TGM6: variants seen among roughly 807,000 people sequenced by gnomAD.
The protein encoded by TGM6 is transglutaminase 6.
Under a neutral mutation model 77.5 loss-of-function variants are expected in TGM6, and 74 were observed. The observed-to-expected ratio is 0.96, with a 90% CI of 0.79 to 1.16. TGM6 has a LOEUF of 1.16. TGM6 is among the 50% of genes most tolerant of loss of function. TGM6 has a pLI of 0.00. For missense variants in TGM6, 968 were observed against 940.2 expected, an observed-to-expected ratio of 1.03 and a Z score of -0.39; for synonymous variants, 383 against 378.9, an observed-to-expected ratio of 1.01 and a Z score of -0.12.
At chr20:2,406,166 G>A (rs2084748975) in intron 9 of TGM6, among the ~76,000 whole-genome samples, 1 of 152,072 alleles carries the variant, frequency 6.6e-6, no homozygotes, top group Non-Finnish European at 1.5e-5. Flanking sequence ...TACTGTCTTG[G>A]GGATGGGCTA....
At chr20:2,388,017 G>A (rs1197675437) in intron 1 of TGM6, among the ~76,000 whole-genome samples, 1 of 152,184 alleles carries the variant, frequency 6.6e-6, no homozygotes, top group Non-Finnish European at 1.5e-5. Context: ...AGCAACCCAA[G>A]GGAACCAGAA....
At chr20:2,400,219 C>T in intron 6 of TGM6, 87 bp from the exon 7 acceptor site, 1 of 1,596,450 alleles carries the variant, frequency 6.3e-7, no homozygotes, top group Middle Eastern at 1.7e-4. Context: ...GCTTTGGCCA[C>T]AAATGAGCCA....
chr20:2,391,458 T>G (rs1599945592), intron 1 of TGM6, among the ~76,000 whole-genome samples: 1 of 148,944 alleles, frequency 6.7e-6, no homozygotes, highest in African/African-American at 2.5e-5. Flanking sequence ...GTTGTGGAGG[T>G]AGAGTCTGAT....
At chr20:2,395,779 C>T (rs185297874) in intron 3 of TGM6, among the ~76,000 whole-genome samples, 2 of 152,328 alleles carry the variant, frequency 1.3e-5, no homozygotes, top group Middle Eastern at 3.4e-3. Context: ...ATAACAGTGC[C>T]TACCTCTTAT....
intron 9 of TGM6, among the ~76,000 whole-genome samples, chr20:2,406,774 G>A (rs1301254259): frequency 1.4e-5 from 2 of 139,846 alleles, no homozygotes; most frequent in Non-Finnish European, 3.1e-5. Flanking sequence ...GGCGGAGGTT[G>A]CAGTGAGCCA....
intron 1 of TGM6, among the ~76,000 whole-genome samples, chr20:2,383,129 T>C (rs2122319124): frequency 6.6e-6 from 1 of 152,310 alleles, no homozygotes; most frequent in Middle Eastern, 3.4e-3. Flanking sequence ...CAACTCTCGA[T>C]AAATCATTTA....
chr20:2,388,028 A>G (rs1009021841), intron 1 of TGM6, among the ~76,000 whole-genome samples: 3 of 152,182 alleles, frequency 2.0e-5, no homozygotes, highest in Admixed American at 2.0e-4. Flanking sequence ...GGAACCAGAA[A>G]GAAGCTGTAT....
chr20:2,417,578 G>T lies in TGM6; in HGVS notation c.1678+5G>T, dbSNP rs1401270778. 6.3e-7 allele frequency: 1 copy of T among 1,596,724 alleles called. No homozygotes were observed. Among genetic ancestry groups the T allele is most frequent in the South Asian group, 1.1e-5 (1 of 90,236 alleles). On this transcript the variant is annotated splice_donor_5th_base_variant and intron_variant, in intron 10 of 12. Coordinates refer to ENST00000202625, the MANE Select transcript of TGM6 (RefSeq NM_198994.3). ...TGAGGCTGGGGCCGCAAGAAGGTAA[G>T]TGTACGCTGGCTTGGTGGAATCAGG...
rs1288465164 is a variant in TGM6, at chr20:2,399,621, G to C, written c.733G>C (p.Gly245Arg). Reference protein sequence around the residue: ...QGQWQGKYGGGTSPLHWRGSV... With the variant: ...QGQWQGKYGGRTSPLHWRGSV... The stretch of plus-strand genomic sequence containing the variant: ...ACAGTGGCAGGGCAAGTACGGCGGC[G>C]GCACCAGCCCGCTGCACTGGCGCGG... Residue 245 changes from glycine (G) to arginine (R), a missense_variant, in exon 6 of 13, where the codon GGC becomes CGC. Physicochemically the swap from Gly to Arg is moderately radical, Grantham distance 125. Transcript: ENST00000202625. 1 of 1,613,472 alleles carries C rather than the reference G, an allele frequency of 6.2e-7. No homozygotes were observed. Among genetic ancestry groups the C allele is most frequent in the Non-Finnish European group, 8.5e-7 (1 of 1,179,962 alleles).
intron 1 of TGM6, among the ~76,000 whole-genome samples, chr20:2,388,673 T>G (rs911820796): frequency 6.6e-6 from 1 of 151,868 alleles, no homozygotes; most frequent in East Asian, 1.9e-4. Context: ...TTTTATCATC[T>G]GTGACATTGA....
chr20:2,405,695 G>A (rs1349432739), intron 9 of TGM6, among the ~76,000 whole-genome samples: 6 of 152,124 alleles, frequency 3.9e-5, no homozygotes, highest in Admixed American at 3.9e-4. Context: ...TGTGCTATTT[G>A]GGTCCTTTCA....
intron 1 of TGM6, among the ~76,000 whole-genome samples, chr20:2,391,837 T>G (rs1440293054): frequency 6.6e-6 from 1 of 152,186 alleles, no homozygotes; most frequent in Non-Finnish European, 1.5e-5. Flanking sequence ...GCATTGGTGG[T>G]CTGCCGACTA....
Position 2,396,571 on chromosome 20 carries a change from A to G in TGM6, c.490A>G (p.Ile164Val). 3 of 1,614,238 alleles carry G rather than the reference A, an allele frequency of 1.9e-6. No homozygotes were observed. Among genetic ancestry groups the G allele is most frequent in the South Asian group, 1.1e-5 (1 of 91,086 alleles). The change falls in exon 4 of 13, where the codon ATC becomes GTC. Residue 164 changes from isoleucine to valine, a missense_variant. Transcript: ENST00000202625. ...QEYVLSDSGI[I>V]FRGVEKHIRA... is the part of the protein sequence containing the mutation. ...GTACGTGCTCAGCGACAGCGGCATCATCTTCCGAGGCGTGGAGAAGCACAT... is the reference window on the plus strand; with the variant it reads ...GTACGTGCTCAGCGACAGCGGCATCGTCTTCCGAGGCGTGGAGAAGCACAT...
At chr20:2,399,766 T>C (rs2084693871) in intron 6 of TGM6, 28 bp downstream of exon 6, 1 of 1,593,696 alleles carries the variant, frequency 6.3e-7, no homozygotes, top group Non-Finnish European at 8.6e-7. Flanking sequence ...GGCCCCAGGG[T>C]ACCTGTGCCC....
intron 9 of TGM6, among the ~76,000 whole-genome samples, chr20:2,413,798 G>T (rs1335781666): frequency 1.3e-5 from 2 of 152,100 alleles, no homozygotes; most frequent in Admixed American, 6.5e-5. Context: ...TAAAACTTTT[G>T]GAAGAAAACA....
intron 10 of TGM6, among the ~76,000 whole-genome samples, chr20:2,427,183 T>C (rs2084893643): frequency 6.6e-6 from 1 of 152,190 alleles, no homozygotes; most frequent in Admixed American, 6.5e-5. Flanking sequence ...TTAGTAGATA[T>C]AGGCCTATTC....
At chr20:2,398,755 G>A (rs1307364415) in intron 5 of TGM6, among the ~76,000 whole-genome samples, 1 of 151,992 alleles carries the variant, frequency 6.6e-6, no homozygotes, top group East Asian at 1.9e-4. Flanking sequence ...CCTCTCCGTG[G>A]GAGGCATGAC....
At chr20:2,381,717 G>C (rs1304291460) in intron 1 of TGM6, among the ~76,000 whole-genome samples, 1 of 152,172 alleles carries the variant, frequency 6.6e-6, no homozygotes, top group Admixed American at 6.5e-5. Flanking sequence ...AGGAGTTTGA[G>C]ACCAGCCTGG....
chr20:2,390,838 G>T (rs1251415379), intron 1 of TGM6, among the ~76,000 whole-genome samples: 1 of 152,130 alleles, frequency 6.6e-6, no homozygotes, highest in African/African-American at 2.4e-5. Context: ...TCTGAAAGGA[G>T]AGTGATCCAC....
Sources: allele counts gnomAD v4.1 joint callset (sites outside exome capture counted in the v4.1 genomes callset), GRCh38; gene constraint gnomAD v4.1.1; transcripts MANE v1.5; gene names NCBI Gene and HGNC (gene_info 2026-07-23, HGNC 2026-07-21).